Variants in ETS1 observed in about 807,000 individuals in gnomAD.
The protein encoded by ETS1 is protein C-ets-1.
In ETS1, 15 loss-of-function variants were observed where a neutral mutation model predicts 58.6. The observed-to-expected ratio is 0.26, with a 90% CI of 0.17 to 0.39. The LOEUF (loss-of-function observed/expected upper bound fraction) is 0.39, where lower values mean the gene tolerates loss of function less well. ETS1 is among the 10% of genes least tolerant of loss of function. The pLI, the probability that ETS1 is intolerant of heterozygous loss-of-function variation, is 1.00. For synonymous variants in ETS1, 214 were observed against 218.2 expected, an observed-to-expected ratio of 0.98 and a Z score of 0.17; for missense variants, 417 against 610.5, an observed-to-expected ratio of 0.68 and a Z score of 3.34.
chr11:128,480,824 T>C (rs1371493638), intron 7 of ETS1, among the ~76,000 whole-genome samples: 1 of 152,142 alleles, frequency 6.6e-6, no homozygotes, highest in Non-Finnish European at 1.5e-5. Flanking sequence ...GCTGATGTCG[T>C]AGGCCCAATG....
chr11:128,552,748 C>T (rs7130041), intron 3 of ETS1, among the ~76,000 whole-genome samples: 80,889 of 152,014 alleles, frequency 0.53, 22,528 homozygotes, highest in East Asian at 0.81. Flanking sequence ...GTGTGCTCAG[C>T]TGGGTCTCTG....
At chr11:128,585,048 G>GA (rs1565421210) in intron 1 of ETS1, among the ~76,000 whole-genome samples, 1 of 19,530 alleles carries the variant, frequency 5.1e-5, no homozygotes, top group South Asian at 9.6e-4. Context: ...AAGAAAGAAA[G>GA]AAAGAAAGAA....
chr11:128,486,180 T>A (rs1276832172), intron 5 of ETS1, 34 bp from the exon 6 acceptor site: 1 of 1,352,336 alleles, frequency 7.4e-7, no homozygotes, highest in East Asian at 2.3e-5. Context: ...AACAAAGAGG[T>A]CAATATTCAA....
chr11:128,541,758 AC>A (rs1409582847), intron 3 of ETS1, among the ~76,000 whole-genome samples: 2 of 152,200 alleles, frequency 1.3e-5, no homozygotes, highest in Non-Finnish European at 2.9e-5. Context: ...TCTGCTAGGT[AC>A]TAGAAACATG....
intron 1 of ETS1, 74 bp from the exon 2 acceptor site, chr11:128,573,218 C>A (rs929597492): frequency 1.9e-6 from 2 of 1,072,900 alleles, no homozygotes; most frequent in Non-Finnish European, 1.4e-6. Context: ...AAGGAAGACA[C>A]GAACCTTAGA....
intron 3 of ETS1, among the ~76,000 whole-genome samples, chr11:128,520,460 A>G (rs990005838): frequency 6.6e-6 from 1 of 152,256 alleles, no homozygotes; most frequent in African/African-American, 2.4e-5. Context: ...AGTTGAGTTT[A>G]TATCTTTGAT....
chr11:128,523,843 AC>A (rs1863748803), intron 3 of ETS1, among the ~76,000 whole-genome samples: 2 of 152,056 alleles, frequency 1.3e-5, no homozygotes, highest in Non-Finnish European at 2.9e-5. Flanking sequence ...ACAAGAACAG[AC>A]CCTTCTGGTC....
At chr11:128,467,319 C>T (rs1482909271) in intron 8 of ETS1, among the ~76,000 whole-genome samples, 1 of 152,178 alleles carries the variant, frequency 6.6e-6, no homozygotes, top group African/African-American at 2.4e-5. Context: ...ACACTGGCTA[C>T]ACAGATCCAC....
intron 3 of ETS1, among the ~76,000 whole-genome samples, chr11:128,522,611 G>A (rs1164927394): frequency 2.0e-5 from 3 of 152,236 alleles, no homozygotes; most frequent in South Asian, 4.1e-4. Flanking sequence ...GGGGCGGGAA[G>A]GGCCGGGAGC....
intron 7 of ETS1, among the ~76,000 whole-genome samples, chr11:128,483,709 C>T (rs769096267): frequency 2.0e-5 from 3 of 152,114 alleles, no homozygotes; most frequent in East Asian, 1.9e-4. Flanking sequence ...TCTGAATACT[C>T]GAAGAAGACG....
At chr11:128,506,118 T>C (rs557053311) in intron 3 of ETS1, among the ~76,000 whole-genome samples, 2 of 152,252 alleles carry the variant, frequency 1.3e-5, no homozygotes, top group South Asian at 4.1e-4. Flanking sequence ...TGGACAGCAT[T>C]CTTTTTTTCA....
chr11:128,563,954 C>A (rs1864447075), intron 2 of ETS1, among the ~76,000 whole-genome samples: 1 of 152,230 alleles, frequency 6.6e-6, no homozygotes, highest in East Asian at 1.9e-4. Context: ...ACTCCATGCA[C>A]TTCTGATAAA....
chr11:128,503,389 A>G (rs1245772634), intron 3 of ETS1, among the ~76,000 whole-genome samples: 8 of 152,144 alleles, frequency 5.3e-5, no homozygotes, highest in African/African-American at 1.7e-4. Flanking sequence ...CCAGCCCCAC[A>G]TGCTCTTCAT....
intron 7 of ETS1, among the ~76,000 whole-genome samples, chr11:128,482,394 C>T (rs184846134): frequency 3.9e-5 from 6 of 152,262 alleles, no homozygotes; most frequent in East Asian, 3.9e-4. Flanking sequence ...TCATCAACAC[C>T]GCACCAAGTC....
intron 8 of ETS1, among the ~76,000 whole-genome samples, chr11:128,476,937 A>G (rs1476827813): frequency 2.0e-5 from 3 of 152,254 alleles, no homozygotes; most frequent in African/African-American, 7.2e-5. Context: ...GACCTCATTT[A>G]ACAAGTTGCT....
At chr11:128,486,573 T>A (rs191532554) in intron 5 of ETS1, among the ~76,000 whole-genome samples, 1 of 152,352 alleles carries the variant, frequency 6.6e-6, no homozygotes, top group Non-Finnish European at 1.5e-5. Flanking sequence ...TTGCAGTCTT[T>A]AGGCCATAGA....
chr11:128,545,848 G>A (rs1456804564), intron 3 of ETS1, among the ~76,000 whole-genome samples: 2 of 152,164 alleles, frequency 1.3e-5, no homozygotes, highest in African/African-American at 4.8e-5. Context: ...CATGGTGGTT[G>A]GTTTTATTGT....
At chr11:128,566,761 C>T (rs573278858) in intron 2 of ETS1, among the ~76,000 whole-genome samples, 12 of 147,224 alleles carry the variant, frequency 8.2e-5, no homozygotes, top group East Asian at 8.0e-4. Context: ...CCAGCCTGGG[C>T]GACAGAGCAA....
intron 1 of ETS1, among the ~76,000 whole-genome samples, chr11:128,585,181 AGAAAGAAG>A (rs1565421926): frequency 5.0e-5 from 3 of 59,440 alleles, no homozygotes; most frequent in African/African-American, 8.9e-5. Context: ...AAAGAAAGAA[AGAAAGAAG>A]GAAGGAAAGA....
Sources: gnomAD v4.1 joint callset for allele counts (sites outside exome capture counted in the v4.1 genomes callset) on GRCh38, gnomAD v4.1.1 for gene constraint, MANE v1.5 for transcripts, NCBI Gene and HGNC (gene_info 2026-07-23, HGNC 2026-07-21) for gene names.